HDAC8: variants seen among roughly 807,000 people sequenced by gnomAD.
The protein encoded by HDAC8 is histone deacetylase 8, also known as histone deacetylase-like 1.
A neutral mutation model predicts 32.2 loss-of-function variants in HDAC8; 1 was observed. The observed-to-expected ratio is 0.03, with a 90% CI of 0.01 to 0.15. HDAC8 has a LOEUF of 0.15. Ranked by LOEUF, HDAC8 falls within the 10% of genes least tolerant of loss-of-function variation. The pLI is 1.00. For missense variants in HDAC8, 117 were observed against 300.0 expected (o/e 0.39, Z 4.51); for synonymous variants, 108 against 113.9 (o/e 0.95, Z 0.33).
At chrX:72,553,418 T>C (rs2051158406) in intron 4 of HDAC8, among the ~76,000 whole-genome samples, 2 of 111,866 alleles carry the variant, frequency 1.8e-5, no homozygotes, top group South Asian at 7.6e-4. Context: ...TAACCCACTG[T>C]TGTTGAATAT....
chrX:72,447,389 C>G (rs1288316259), intron 9 of HDAC8, among the ~76,000 whole-genome samples: 2 of 111,932 alleles, frequency 1.8e-5, no homozygotes, highest in Admixed American at 9.5e-5. Flanking sequence ...ATTCAACACC[C>G]CTTCATGCTA....
intron 9 of HDAC8, among the ~76,000 whole-genome samples, chrX:72,429,448 G>C (rs782371083): frequency 8.9e-6 from 1 of 111,859 alleles, no homozygotes; most frequent in Non-Finnish European, 1.9e-5. Flanking sequence ...TAAAGCAGCC[G>C]GTAAATTCCC....
At position 72,572,071 on chromosome X, in the gene HDAC8, C is replaced by T. The variant is rs1556159594; in HGVS notation, c.150G>A (p.Leu50=). 1 of 1,193,478 alleles carries T rather than the reference C, an allele frequency of 8.4e-7. No individual in the cohort carries two copies. The highest frequency in any genetic ancestry group is 3.0e-5 in the East Asian group (1 of 33,136). Residue 50 remains leucine (L), a synonymous_variant, in exon 2 of 11, where the codon CTG becomes CTA. Transcript: ENST00000373573. The part of the protein sequence containing the change: ...MVHSLIEAYA[L]HKQMRIVKPK... ...AGACAACTTACCTCATCTGCTTATG[C>T]AGTGCATATGCTTCAATCAAAGAAT...
chrX:72,480,546 C>T (rs1569330897), intron 7 of HDAC8: 5 of 276,775 alleles, frequency 1.8e-5, no homozygotes, highest in Non-Finnish European at 3.4e-5. Context: ...CCAGCAATCC[C>T]ATTACTGGGT....
rs922060230 is a variant in HDAC8 at position 72,520,787 on chromosome X, T to C, written c.438-25519A>G. On this transcript the variant is annotated intron_variant, in intron 4 of 10. Transcript: ENST00000373573. ...TATTTGAGTTCATTGTTTTCTAAAA[T>C]CCAGAACAATTCCTCCACCTTCTTT... 2.7e-5 allele frequency among the ~76,000 whole-genome samples: 3 copies of C among 112,562 alleles called. No homozygotes were observed. The East Asian group carries it at 8.3e-4, about 31-fold the overall frequency.
chrX:72,483,090 A>G (rs1669457830), intron 7 of HDAC8, among the ~76,000 whole-genome samples: 1 of 112,108 alleles, frequency 8.9e-6, no homozygotes, highest in Non-Finnish European at 1.9e-5. Flanking sequence ...CTTTTATTAT[A>G]CTTAAAGATA....
chrX:72,550,923 C>A (rs1173812862), intron 4 of HDAC8, among the ~76,000 whole-genome samples: 1 of 111,529 alleles, frequency 9.0e-6, no homozygotes, highest in Non-Finnish European at 1.9e-5. Flanking sequence ...CTCAAAGAAC[C>A]CACTCCTTTA....
At chrX:72,338,306 G>A (rs902093718) in intron 10 of HDAC8, among the ~76,000 whole-genome samples, 7 of 111,185 alleles carry the variant, frequency 6.3e-5, no homozygotes, top group Middle Eastern at 4.2e-3. Context: ...AGACTACAGG[G>A]CAGTTGATCA....
intron 7 of HDAC8, among the ~76,000 whole-genome samples, chrX:72,482,474 T>C (rs1258634276): frequency 8.9e-6 from 1 of 112,299 alleles, no homozygotes; most frequent in Non-Finnish European, 1.9e-5. Flanking sequence ...AAATTACAAA[T>C]TAAATCCTTG....
At chrX:72,532,246 G>A (rs2050367495) in intron 4 of HDAC8, among the ~76,000 whole-genome samples, 1 of 87,932 alleles carries the variant, frequency 1.1e-5, no homozygotes, top group Admixed American at 1.4e-4. Flanking sequence ...CACCGTGTTG[G>A]GCATTTTTTT....
At chrX:72,557,074 G>A (rs920192531) in intron 4 of HDAC8, among the ~76,000 whole-genome samples, 2 of 111,129 alleles carry the variant, frequency 1.8e-5, no homozygotes, top group Admixed American at 9.5e-5. Flanking sequence ...AAATTAGCCC[G>A]GCATGGTGGT....
chrX:72,472,579 T>C (rs1429294336), intron 7 of HDAC8, among the ~76,000 whole-genome samples: 3 of 112,037 alleles, frequency 2.7e-5, no homozygotes, highest in Non-Finnish European at 5.6e-5. Flanking sequence ...TGTAGTTTTG[T>C]TGTAAGTTTT....
intron 4 of HDAC8, among the ~76,000 whole-genome samples, chrX:72,554,931 T>C (rs2147517834): frequency 8.9e-6 from 1 of 112,442 alleles, no homozygotes; most frequent in South Asian, 3.7e-4. Context: ...TGATGCGTTC[T>C]TGAAGGCGCC....
chrX:72,534,893 T>A (rs1247096205), intron 4 of HDAC8, among the ~76,000 whole-genome samples: 1 of 112,063 alleles, frequency 8.9e-6, no homozygotes, highest in East Asian at 2.8e-4. Flanking sequence ...TAACTGCAAT[T>A]AGCTAGAAGC....
At chrX:72,502,616 A>T (rs2049259373) in intron 4 of HDAC8, among the ~76,000 whole-genome samples, 1 of 111,412 alleles carries the variant, frequency 9.0e-6, no homozygotes, top group African/African-American at 3.3e-5. Context: ...CCTAAACTAA[A>T]AATTTTTAAG....
At chrX:72,428,608 G>A (rs1461080303) in intron 9 of HDAC8, among the ~76,000 whole-genome samples, 6 of 111,668 alleles carry the variant, frequency 5.4e-5, no homozygotes, top group Admixed American at 9.5e-5. Flanking sequence ...GAGCATAGAG[G>A]TAAGAGAGGA....
At chrX:72,512,223 A>G (rs1444584652) in intron 4 of HDAC8, among the ~76,000 whole-genome samples, 8 of 110,835 alleles carry the variant, frequency 7.2e-5, no homozygotes, top group African/African-American at 2.6e-4. Context: ...ACTAGTCCCA[A>G]ATAATACTGT....
chrX:72,421,635 A>G (rs2046495820), intron 9 of HDAC8, among the ~76,000 whole-genome samples: 2 of 112,581 alleles, frequency 1.8e-5, no homozygotes, highest in African/African-American at 6.5e-5. Flanking sequence ...ACATAGATTT[A>G]TAATTTTTAT....
At chrX:72,449,147 C>T (rs1407773022) in intron 9 of HDAC8, among the ~76,000 whole-genome samples, 1 of 112,090 alleles carries the variant, frequency 8.9e-6, no homozygotes, top group Middle Eastern at 4.6e-3. Context: ...TATTGCAGTA[C>T]TATTCACAAT....
Sources: allele counts gnomAD v4.1 joint callset (sites outside exome capture counted in the v4.1 genomes callset), GRCh38; gene constraint gnomAD v4.1.1; transcripts MANE v1.5; gene names NCBI Gene and HGNC (gene_info 2026-07-23, HGNC 2026-07-21).